Variants in SNX30 observed in about 807,000 individuals in gnomAD.
SNX30 encodes sorting nexin family member 30, also known as sorting nexin-30.
Under a neutral mutation model 46.4 loss-of-function variants are expected in SNX30, and 24 were observed. The ratio of observed to expected loss-of-function variants is 0.52; its 90% CI spans 0.37 to 0.73. The LOEUF (loss-of-function observed/expected upper bound fraction) is 0.73, where lower values mean the gene tolerates loss of function less well. Ranked by LOEUF, SNX30 falls within the 30% of genes least tolerant of loss-of-function variation. The probability of loss-of-function intolerance (pLI) is 0.00; values close to 1 mark genes in which losing one functional copy is unlikely to be tolerated. For missense variants in SNX30, 533 were observed against 555.7 expected, an observed-to-expected ratio of 0.96 and a Z score of 0.41; for synonymous variants, 189 against 211.5, an observed-to-expected ratio of 0.89 and a Z score of 0.92.
intron 4 of SNX30, among the ~76,000 whole-genome samples, chr9:112,834,843 A>ACACACACACAC (rs1840723275): frequency 2.6e-5 from 2 of 78,320 alleles, no homozygotes; most frequent in Admixed American, 1.2e-4. Context: ...CACACACACA[A>ACACACACACAC]ACACACACAC....
intron 1 of SNX30, among the ~76,000 whole-genome samples, chr9:112,753,316 C>T (rs1227302085): frequency 1.3e-5 from 2 of 152,144 alleles, no homozygotes; most frequent in African/African-American, 4.8e-5. Flanking sequence ...AGTCTAATTA[C>T]CGATGGCTTC....
chr9:112,810,142 T>A (rs770672101), intron 2 of SNX30, among the ~76,000 whole-genome samples: 1 of 152,088 alleles, frequency 6.6e-6, no homozygotes, highest in Non-Finnish European at 1.5e-5. Flanking sequence ...GATGAAGCCT[T>A]CTAAGGGTGG....
Position 112,750,874 on chromosome 9 carries a change from C to A in SNX30, c.-128C>A. 1.1e-6 allele frequency: 1 copy of A among 889,956 alleles called. No homozygotes were observed. Among genetic ancestry groups the A allele is most frequent in the Non-Finnish European group, 1.4e-6 (1 of 724,272 alleles). The allele number at this position is 889,956 out of a possible 1,614,324, so 55.1% of individuals were successfully genotyped here. On this transcript the variant is annotated 5_prime_UTR_variant, in exon 1 of 9. Transcript: ENST00000374232. ...CCAGCCGGCGGGTGGCGGCGGCCCC[C>A]AGCACGGCCGGTGCAAGGCCTCGGG...
chr9:112,817,759 G>T lies in SNX30; in HGVS notation c.403G>T (p.Asp135Tyr), dbSNP rs1840423384. Residue 135 changes from aspartate (D) to tyrosine (Y), a missense_variant, in exon 3 of 9, where the codon GAT (aspartate) becomes TAT (tyrosine). This residue lies in a region of SNX30 where 81 missense variants were observed against 124.4 expected (regional missense o/e 0.65). Coordinates refer to ENST00000374232, the MANE Select transcript of SNX30 (RefSeq NM_001012994.2). ...ATATTCTGTTCGTCGAAGATACCAGGATTTTGACTGGTTGAGGAGCAAACT... is the reference window on the plus strand; with the variant it reads ...ATATTCTGTTCGTCGAAGATACCAGTATTTTGACTGGTTGAGGAGCAAACT... ...PEYSVRRRYQ[D>Y]FDWLRSKLEE... is the part of the protein sequence containing the mutation. The T allele has an allele frequency of 1.9e-6, 3 of 1,613,866 alleles. No individual in the cohort carries two copies. The highest frequency in any genetic ancestry group is 1.7e-5 in the Admixed American group (1 of 59,982).
downstream of SNX30, chr9:112,885,559 A>G (rs1473546575): frequency 6.6e-6 from 1 of 152,084 alleles, no homozygotes; most frequent in Non-Finnish European, 1.5e-5. Context: ...GCTGTTCCAT[A>G]TGGGAACCTC....
intron 1 of SNX30, among the ~76,000 whole-genome samples, chr9:112,792,882 CT>C (rs11447466): frequency 6.8e-6 from 1 of 146,828 alleles, no homozygotes; most frequent in Non-Finnish European, 1.5e-5. Context: ...TTTCTTTAGG[CT>C]TTTTTTTTTC....
At chr9:112,852,469 A>T (rs1305883705) in intron 7 of SNX30, among the ~76,000 whole-genome samples, 1 of 152,182 alleles carries the variant, frequency 6.6e-6, no homozygotes, top group Non-Finnish European at 1.5e-5. Context: ...TTGATATCTC[A>T]GAAGTCCTGG....
At chr9:112,864,887 G>A (rs538750980) in intron 8 of SNX30, among the ~76,000 whole-genome samples, 4 of 152,136 alleles carry the variant, frequency 2.6e-5, no homozygotes, top group South Asian at 2.1e-4. Context: ...TTTTAAATAC[G>A]TAAAATAAAG....
chr9:112,758,204 A>C (rs1241824311), intron 1 of SNX30, among the ~76,000 whole-genome samples: 1 of 151,910 alleles, frequency 6.6e-6, no homozygotes, highest in Non-Finnish European at 1.5e-5. Context: ...GAGGGTGTAG[A>C]CCCACCTGCC....
chr9:112,765,560 G>A (rs1002069268), intron 1 of SNX30, among the ~76,000 whole-genome samples: 26 of 152,096 alleles, frequency 1.7e-4, no homozygotes, highest in Admixed American at 1.5e-3. Flanking sequence ...GTGGCCTTTC[G>A]TGCCTGGCTT....
At chr9:112,804,394 ACCTCAGGTGAGC>A (rs1840190992) in intron 1 of SNX30, among the ~76,000 whole-genome samples, 1 of 152,070 alleles carries the variant, frequency 6.6e-6, no homozygotes, top group Non-Finnish European at 1.5e-5. Context: ...CAAACTCGTG[ACCTCAGGTGAGC>A]CACCTGTCTC....
chr9:112,864,272 A>G lies in SNX30; in HGVS notation c.1127A>G (p.Gln376Arg). The change falls in exon 8 of 9, where the codon CAG (glutamine) becomes CGG (arginine). Residue 376 changes from glutamine to arginine, a missense_variant. Physicochemically the swap from Gln to Arg is conservative, Grantham distance 43. Transcript: ENST00000374232. ...GTACCGGCGGACGTCGAGAAATGTC[A>G]GGATCGGATGGAGTGTTTCAATGCT... is the stretch of plus-strand genomic sequence containing the variant. Reference protein sequence around the residue: ...PKVPADVEKCQDRMECFNADL... With the variant: ...PKVPADVEKCRDRMECFNADL... 6.2e-7 allele frequency: 1 copy of G among 1,614,112 alleles called. No homozygotes were observed.
At chr9:112,798,121 C>CTT (rs57300324) in intron 1 of SNX30, among the ~76,000 whole-genome samples, 9 of 77,884 alleles carry the variant, frequency 1.2e-4, no homozygotes, top group African/African-American at 4.1e-4. Context: ...TTTTTTTTTT[C>CTT]TTTTTTTTTT....
Position 112,807,090 on chromosome 9 carries a change from A to T in SNX30, c.348+2123A>T, listed in dbSNP as rs560355806. On this transcript the variant is annotated intron_variant, in intron 2 of 8. Coordinates refer to ENST00000374232, the MANE Select transcript of SNX30 (RefSeq NM_001012994.2). Reference sequence around the variant, plus strand: ...TTTTTTTTTTTTTTTTTTGAGACAGAGTCTCCCTCTGTCGCCCAGGATGGA... The same window carrying T: ...TTTTTTTTTTTTTTTTTTGAGACAGTGTCTCCCTCTGTCGCCCAGGATGGA... 3.3e-5 allele frequency among the ~76,000 whole-genome samples: 3 copies of T among 91,874 alleles called. No individual in the cohort carries two copies. In the East Asian group the frequency reaches 1.3e-3, roughly 40 times the overall value. 60.3% of individuals were successfully genotyped at this position (91,874 alleles called of 152,430 possible).
chr9:112,818,659 G>C (rs556959270), intron 3 of SNX30, among the ~76,000 whole-genome samples: 1 of 152,218 alleles, frequency 6.6e-6, no homozygotes, highest in Non-Finnish European at 1.5e-5. Flanking sequence ...TCCTCAGAGG[G>C]GCTGATTTAT....
chr9:112,815,342 A>G (rs1840380098), intron 2 of SNX30, among the ~76,000 whole-genome samples: 1 of 151,914 alleles, frequency 6.6e-6, no homozygotes, highest in Admixed American at 6.6e-5. Flanking sequence ...AAGAGAAATG[A>G]TCAGTTAATA....
At chr9:112,779,467 T>C (rs931072229) in intron 1 of SNX30, among the ~76,000 whole-genome samples, 2 of 152,100 alleles carry the variant, frequency 1.3e-5, no homozygotes, top group Admixed American at 1.3e-4. Flanking sequence ...GAGGCTGAGG[T>C]GGGCAGATCA....
At chr9:112,755,926 G>T (rs577596153) in intron 1 of SNX30, among the ~76,000 whole-genome samples, 1 of 152,082 alleles carries the variant, frequency 6.6e-6, no homozygotes, top group Non-Finnish European at 1.5e-5. Flanking sequence ...TGTCTCATTG[G>T]TCTAAATTGG....
chr9:112,840,494 GT>G (rs1431626933), intron 6 of SNX30, among the ~76,000 whole-genome samples: 1 of 152,108 alleles, frequency 6.6e-6, no homozygotes, highest in African/African-American at 2.4e-5. Context: ...TTGTTTGTTT[GT>G]TTTTTTGAGA....
Sources: allele counts gnomAD v4.1 joint callset (sites outside exome capture counted in the v4.1 genomes callset), GRCh38; gene constraint gnomAD v4.1.1; regional missense constraint gnomAD v4.1.1; transcripts MANE v1.5; gene names NCBI Gene and HGNC (gene_info 2026-07-23, HGNC 2026-07-21).